Variants in GTF2E1 observed in about 807,000 individuals in gnomAD.
GTF2E1 encodes TFIIE alpha subunit.
GTF2E1 carries 14 observed loss-of-function variants against 34.9 expected under a neutral mutation model. The ratio of observed to expected loss-of-function variants is 0.40; its 90% CI spans 0.27 to 0.63. The LOEUF is 0.63. GTF2E1 is among the 20% of genes least tolerant of loss of function. The pLI is 0.39. For missense variants in GTF2E1, 469 were observed against 557.7 expected (o/e 0.84, Z 1.60); for synonymous variants, 188 against 192.9 (o/e 0.97, Z 0.21).
Position 120,750,826 on chromosome 3 carries a change from T to C in GTF2E1, c.274T>C (p.Tyr92His). The change falls in exon 2 of 5, where the codon TAC becomes CAC. Residue 92 changes from tyrosine to histidine, a missense_variant. Coordinates refer to ENST00000283875, the MANE Select transcript of GTF2E1 (RefSeq NM_005513.3). ...ADGKTTRHNY[Y>H]FINYRTLVNV... ...CGGGAAAACCACTCGCCATAACTAC[T>C]ACTTCATCAATTATCGTACTCTTGT... 3.1e-6 allele frequency: 5 copies of C among 1,614,048 alleles called. No homozygotes were observed. The highest frequency in any genetic ancestry group is 4.2e-6 in the Non-Finnish European group (5 of 1,179,932).
chr3:120,743,969 A>T (rs1709081935), intron 1 of GTF2E1, among the ~76,000 whole-genome samples: 1 of 152,136 alleles, frequency 6.6e-6, no homozygotes, highest in Admixed American at 6.5e-5. Flanking sequence ...GATCTGACTC[A>T]TGGACTATGG....
chr3:120,754,798 A>T (rs971133311), intron 2 of GTF2E1, among the ~76,000 whole-genome samples: 14 of 151,948 alleles, frequency 9.2e-5, no homozygotes, highest in African/African-American at 1.9e-4. Flanking sequence ...ATTTTTTTTT[A>T]AAAAAGAATC....
At chr3:120,765,955 GT>G (rs1216468282) in intron 2 of GTF2E1, among the ~76,000 whole-genome samples, 2 of 152,012 alleles carry the variant, frequency 1.3e-5, no homozygotes, top group Non-Finnish European at 2.9e-5. Context: ...CCATTTCTGG[GT>G]TTTGCCTTCT....
intron 2 of GTF2E1, among the ~76,000 whole-genome samples, chr3:120,755,813 G>T (rs184886893): frequency 1.3e-5 from 2 of 151,952 alleles, no homozygotes; most frequent in Non-Finnish European, 2.9e-5. Context: ...CTGTGTCCCC[G>T]AATTCAATCA....
intron 3 of GTF2E1, among the ~76,000 whole-genome samples, chr3:120,773,297 C>A (rs1709368047): frequency 6.6e-6 from 1 of 151,956 alleles, no homozygotes; most frequent in Admixed American, 6.6e-5. Context: ...TTGAAATGGC[C>A]CATCCTGCCC....
chr3:120,751,506 C>T (rs1709164519), intron 2 of GTF2E1, among the ~76,000 whole-genome samples: 1 of 152,016 alleles, frequency 6.6e-6, no homozygotes, highest in South Asian at 2.1e-4. Context: ...GAATTCTTTC[C>T]AAGATAAGAC....
Position 120,750,802 on chromosome 3 carries a change from G to T in GTF2E1, c.250G>T (p.Gly84Trp). The T allele has an allele frequency of 6.2e-7, 1 of 1,613,916 alleles. No homozygotes were observed. The highest frequency in any genetic ancestry group is 8.5e-7 in the Non-Finnish European group (1 of 1,179,906). Residue 84 changes from glycine (G) to tryptophan (W), a missense_variant, in exon 2 of 5, where the codon GGG becomes TGG. Coordinates refer to ENST00000283875, the MANE Select transcript of GTF2E1 (RefSeq NM_005513.3). ...CRMRVETAAD[G>W]KTTRHNYYFI... ...AATGAGGGTAGAGACTGCTGCAGAC[G>T]GGAAAACCACTCGCCATAACTACTA...
chr3:120,780,976 G>A (rs1709441383), intron 4 of GTF2E1, 67 bp from the exon 5 acceptor site: 2 of 985,746 alleles, frequency 2.0e-6, no homozygotes, highest in Non-Finnish European at 3.0e-6. Flanking sequence ...TTAAAATATT[G>A]TCTATATGCT....
At chr3:120,746,390 G>A (rs1457035906) in intron 1 of GTF2E1, among the ~76,000 whole-genome samples, 2 of 152,108 alleles carry the variant, frequency 1.3e-5, no homozygotes, top group African/African-American at 4.8e-5. Context: ...TCAGGAGGCT[G>A]AGGCAGGAGG....
At chr3:120,765,414 G>A (rs1349764879) in intron 2 of GTF2E1, among the ~76,000 whole-genome samples, 1 of 152,168 alleles carries the variant, frequency 6.6e-6, no homozygotes, top group Non-Finnish European at 1.5e-5. Context: ...TATGTGACAG[G>A]CACTTATGTT....
At chr3:120,751,763 A>G (rs995269745) in intron 2 of GTF2E1, among the ~76,000 whole-genome samples, 9 of 152,164 alleles carry the variant, frequency 5.9e-5, no homozygotes, top group African/African-American at 1.9e-4. Flanking sequence ...ATACTCGATC[A>G]ATTTTGTCTT....
intron 3 of GTF2E1, among the ~76,000 whole-genome samples, chr3:120,773,277 G>C (rs1398398537): frequency 6.6e-6 from 1 of 152,128 alleles, no homozygotes; most frequent in South Asian, 2.1e-4. Context: ...TACTATAGGA[G>C]TATGAAGTTT....
At chr3:120,775,385 A>G (rs975153624) in intron 3 of GTF2E1, among the ~76,000 whole-genome samples, 1 of 152,216 alleles carries the variant, frequency 6.6e-6, no homozygotes, top group African/African-American at 2.4e-5. Context: ...GTTTGGAGTG[A>G]GCAGGCAGTT....
chr3:120,749,142 G>T (rs1709139439), intron 1 of GTF2E1, among the ~76,000 whole-genome samples: 1 of 152,156 alleles, frequency 6.6e-6, no homozygotes, highest in South Asian at 2.1e-4. Flanking sequence ...ATCAGTTTAA[G>T]GAGATTTTGG....
intron 2 of GTF2E1, among the ~76,000 whole-genome samples, chr3:120,756,944 CA>C (rs571399374): frequency 6.7e-6 from 1 of 149,966 alleles, no homozygotes; most frequent in Non-Finnish European, 1.5e-5. Context: ...AACAAACAAA[CA>C]AAAAAAAACA....
At chr3:120,762,614 G>A (rs1709273900) in intron 2 of GTF2E1, among the ~76,000 whole-genome samples, 1 of 152,114 alleles carries the variant, frequency 6.6e-6, no homozygotes. Context: ...TGCATAATCA[G>A]TATGTTCAGT....
intron 4 of GTF2E1, among the ~76,000 whole-genome samples, chr3:120,777,292 T>C (rs1709409841): frequency 6.6e-6 from 1 of 152,156 alleles, no homozygotes; most frequent in Admixed American, 6.5e-5. Context: ...ATTCAAGACT[T>C]TGAGTGATGA....
intron 4 of GTF2E1, among the ~76,000 whole-genome samples, chr3:120,777,765 G>T (rs1212749950): frequency 3.3e-5 from 5 of 152,168 alleles, no homozygotes; most frequent in Non-Finnish European, 5.9e-5. Context: ...TCGCTCTGTT[G>T]CCTAGGTTGG....
intron 2 of GTF2E1, among the ~76,000 whole-genome samples, chr3:120,753,679 A>G (rs1173825837): frequency 6.6e-6 from 1 of 152,202 alleles, no homozygotes; most frequent in Admixed American, 6.5e-5. Context: ...TTCTGGACCC[A>G]GGAAACAGCC....
Sources: allele counts gnomAD v4.1 joint callset (sites outside exome capture counted in the v4.1 genomes callset), GRCh38; gene constraint gnomAD v4.1.1; transcripts MANE v1.5; gene names NCBI Gene and HGNC (gene_info 2026-07-23, HGNC 2026-07-21).